The following HTR3A variants were observed in gnomAD, a reference collection of about 807,000 sequenced individuals.
HTR3A encodes the protein 5-hydroxytryptamine receptor 3A, also known as 5-hydroxytryptamine (serotonin) receptor 3A, ionotropic.
Under a neutral mutation model 54.8 loss-of-function variants are expected in HTR3A, and 45 were observed. That is an observed-to-expected ratio of 0.82 (90% CI 0.65 to 1.05). The LOEUF (loss-of-function observed/expected upper bound fraction) is 1.05, where lower values mean the gene tolerates loss of function less well. HTR3A is among the 50% of genes least tolerant of loss of function. The pLI, the probability that HTR3A is intolerant of heterozygous loss-of-function variation, is 0.00. For synonymous variants in HTR3A, 297 were observed against 256.0 expected (o/e 1.16, Z -1.53); for missense variants, 657 against 614.0 (o/e 1.07, Z -0.74).
chr11:113,983,115 G>C lies in HTR3A; in HGVS notation c.375-5G>C. Reference sequence around the variant, plus strand: ...CTCCCAAACTAACCCCTTTTCCCCCGCCAGCGTGGATGTGGGGAAGTCTCC... The same window carrying C: ...CTCCCAAACTAACCCCTTTTCCCCCCCCAGCGTGGATGTGGGGAAGTCTCC... On this transcript the variant is annotated splice_polypyrimidine_tract_variant and splice_region_variant and intron_variant, in intron 4 of 8. Coordinates refer to ENST00000504030, the MANE Select transcript of HTR3A (RefSeq NM_000869.6). The C allele has an allele frequency of 6.2e-7, 1 of 1,614,124 alleles. No individual in the cohort carries two copies. The highest frequency in any genetic ancestry group is 1.1e-5 in the South Asian group (1 of 91,080).
At position 113,977,851 on chromosome 11, in the gene HTR3A, C is replaced by A; in HGVS notation, c.148C>A (p.Arg50Ser). ...TTTGACCAACTACAGGAAGGGTGTG[C>A]GCCCCGTGAGGGACTGGAGGAAGCC... The part of the protein sequence containing the change: ...YLLTNYRKGV[R>S]PVRDWRKPTT... The change falls in exon 2 of 9, where the codon CGC becomes AGC. Residue 50 changes from arginine (R) to serine (S), a missense_variant. Physicochemically the swap from Arg to Ser is moderately radical, Grantham distance 110. Transcript: ENST00000504030. 3 of 1,614,094 alleles carry A rather than the reference C, an allele frequency of 1.9e-6. No individual in the cohort carries two copies. Among genetic ancestry groups the A allele is most frequent in the South Asian group, 1.1e-5 (1 of 91,082 alleles).
chr11:113,975,380 G>C lies in HTR3A; in HGVS notation c.55G>C (p.Ala19Pro). 3 of 1,612,434 alleles carry C rather than the reference G, an allele frequency of 1.9e-6. No homozygotes were observed. The highest frequency in any genetic ancestry group is 2.5e-6 in the Non-Finnish European group (3 of 1,179,922). ...CGCCTTGCTCCTCCCCACACTCCTGGCACAGGGAGAAGGTAAGCAGACTTC... is the reference window on the plus strand; with the variant it reads ...CGCCTTGCTCCTCCCCACACTCCTGCCACAGGGAGAAGGTAAGCAGACTTC... ...LLALLLPTLL[A>P]QGEARRSRNT... Residue 19 changes from alanine to proline, a missense_variant, in exon 1 of 9, where the codon GCA becomes CCA. Transcript: ENST00000504030.
At position 113,987,094 on chromosome 11, in the gene HTR3A, T is replaced by C. The variant is rs774022002; in HGVS notation, c.1138+48T>C. 6.9e-6 allele frequency: 11 copies of C among 1,587,540 alleles called. No homozygotes were observed. In the East Asian group the frequency reaches 1.8e-4, roughly 26 times the overall value. On this transcript the variant is annotated intron_variant, in intron 8 of 8. Transcript: ENST00000504030. ...CCATACAGAGGGGCTGCTTCTGGCT[T>C]GGATGTTGTGGAAAGTCTCTGGAGG...
rs140820494 is a variant in HTR3A at position 113,983,257 on chromosome 11, G to C, written c.512G>C (p.Cys171Ser). ...AACTTCCCCTTCGATGTCCAGAACT[G>C]CTCGCTGACCTTCACCAGTTGGCTG... ...IYNFPFDVQNCSLTFTSWLHT... is the reference protein window; with the variant it reads ...IYNFPFDVQNSSLTFTSWLHT... The change falls in exon 5 of 9, where the codon TGC (cysteine) becomes TCC (serine). Residue 171 changes from cysteine (C) to serine (S), a missense_variant. Physicochemically the swap from Cys to Ser is moderately radical, Grantham distance 112. Coordinates refer to ENST00000504030, the MANE Select transcript of HTR3A (RefSeq NM_000869.6). 9 of 1,614,088 alleles carry C rather than the reference G, an allele frequency of 5.6e-6. No individual in the cohort carries two copies. Among genetic ancestry groups the C allele is most frequent in the Admixed American group, 3.3e-5 (2 of 60,010 alleles).
chr11:113,988,933 A>G (rs1296506817), intron 8 of HTR3A, among the ~76,000 whole-genome samples: 1 of 152,222 alleles, frequency 6.6e-6, no homozygotes, highest in African/African-American at 2.4e-5. Context: ...TCGTGATATT[A>G]ATGATCTGGA....
At chr11:113,983,979 G>A (rs1950457149) in intron 5 of HTR3A, among the ~76,000 whole-genome samples, 1 of 152,160 alleles carries the variant, frequency 6.6e-6, no homozygotes, top group African/African-American at 2.4e-5. Context: ...GCTGCTCCAG[G>A]CTCATCTGCT....
intron 3 of HTR3A, among the ~76,000 whole-genome samples, chr11:113,980,546 T>C (rs1275542503): frequency 2.0e-5 from 3 of 152,164 alleles, no homozygotes; most frequent in East Asian, 3.9e-4. Context: ...GTAAAGAAGA[T>C]AGGGGAGAGG....
At chr11:113,987,078 G>C in intron 8 of HTR3A, 32 bp downstream of exon 8, 1 of 1,606,360 alleles carries the variant, frequency 6.2e-7, no homozygotes, top group Non-Finnish European at 8.5e-7. Flanking sequence ...TCCATACAGA[G>C]GGGCTGCTTC....
In HTR3A at chr11:113,983,160, A is replaced by T; in HGVS notation, c.415A>T (p.Ile139Phe). Residue 139 changes from isoleucine (I) to phenylalanine (F), a missense_variant, in exon 5 of 9, where the codon ATT becomes TTT. Transcript: ENST00000504030. ...GKSPNIPYVY[I>F]RHQGEVQNYK... is the part of the protein sequence containing the mutation. Reference sequence around the variant, plus strand: ...GTCTCCAAATATCCCGTACGTGTATATTCGGCATCAAGGCGAAGTTCAGAA... The same window carrying T: ...GTCTCCAAATATCCCGTACGTGTATTTTCGGCATCAAGGCGAAGTTCAGAA... 6.2e-7 allele frequency: 1 copy of T among 1,614,214 alleles called. No individual in the cohort carries two copies. The highest frequency in any genetic ancestry group is 8.5e-7 in the Non-Finnish European group (1 of 1,180,036).
In HTR3A at chr11:113,989,570, T is replaced by A. The variant is rs751985883; in HGVS notation, c.1244T>A (p.Val415Glu). ...PPPPREASLA[V>E]CGLLQELSSI... is the part of the protein sequence containing the mutation. Reference sequence around the variant, plus strand: ...CCACCTCGGGAGGCCTCGCTGGCGGTGTGTGGGCTGCTGCAGGAGCTGTCC... The same window carrying A: ...CCACCTCGGGAGGCCTCGCTGGCGGAGTGTGGGCTGCTGCAGGAGCTGTCC... The change falls in exon 9 of 9, where the codon GTG becomes GAG. Residue 415 changes from valine (V) to glutamate (E), a missense_variant. By Grantham distance (121) the Val-to-Glu change is moderately radical (BLOSUM62 -2). Transcript: ENST00000504030. The surrounding 1 kb of genome is among the most constrained non-coding windows in gnomAD (Gnocchi z 4.4). The A allele has an allele frequency of 1.9e-6, 3 of 1,614,018 alleles. No individual in the cohort carries two copies. Among genetic ancestry groups the A allele is most frequent in the African/African-American group, 2.7e-5 (2 of 74,918 alleles).
At position 113,986,935 on chromosome 11, in the gene HTR3A, C is replaced by G. The variant is rs1215766975; in HGVS notation, c.1027C>G (p.Leu343Val). ...QDLQQPVPAWLRHLVLERIAW... is the reference protein window; with the variant it reads ...QDLQQPVPAWVRHLVLERIAW... Reference sequence around the variant, plus strand: ...CCTGCAGCAGCCCGTGCCTGCTTGGCTGCGTCACCTGGTTCTGGAGAGAAT... The same window carrying G: ...CCTGCAGCAGCCCGTGCCTGCTTGGGTGCGTCACCTGGTTCTGGAGAGAAT... Residue 343 changes from leucine (L) to valine (V), a missense_variant, in exon 8 of 9, where the codon CTG becomes GTG. Transcript: ENST00000504030. The G allele has an allele frequency of 1.2e-6, 2 of 1,614,202 alleles. No homozygotes were observed. The highest frequency in any genetic ancestry group is 1.7e-6 in the Non-Finnish European group (2 of 1,180,036).
Position 113,977,802 on chromosome 11 carries a change from T to A in HTR3A, c.99T>A (p.Ala33=). 6.2e-7 allele frequency: 1 copy of A among 1,614,122 alleles called. No individual in the cohort carries two copies. The change falls in exon 2 of 9, where the codon GCT becomes GCA. Residue 33 remains alanine, a synonymous_variant. Coordinates refer to ENST00000504030, the MANE Select transcript of HTR3A (RefSeq NM_000869.6). ...ARRSRNTTRP[A]LLRLSDYLLT... Reference sequence around the variant, plus strand: ...GGAGCCGAAACACCACCAGGCCCGCTCTGCTGAGGCTGTCGGATTACCTTT... The same window carrying A: ...GGAGCCGAAACACCACCAGGCCCGCACTGCTGAGGCTGTCGGATTACCTTT...
intron 5 of HTR3A, among the ~76,000 whole-genome samples, chr11:113,985,097 C>T (rs1651672458): frequency 6.6e-6 from 1 of 152,202 alleles, no homozygotes; most frequent in Admixed American, 6.5e-5. Context: ...CAGGAGTTAA[C>T]CACTTTTATC....
chr11:113,981,078 C>A (rs1950416052), intron 3 of HTR3A, 125 bp from the exon 4 acceptor site: 2 of 705,582 alleles, frequency 2.8e-6, no homozygotes, highest in Admixed American at 4.0e-5. Flanking sequence ...GCCACTGACA[C>A]CAGCTTCTCC....
chr11:113,985,471 C>A (rs145260429), intron 5 of HTR3A, among the ~76,000 whole-genome samples: 39 of 152,258 alleles, frequency 2.6e-4, no homozygotes, highest in African/African-American at 9.1e-4. Flanking sequence ...TCAGTATTTT[C>A]CAATATTTTG....
intron 3 of HTR3A, 46 bp downstream of exon 3, chr11:113,979,323 G>A (rs748035678): frequency 6.6e-7 from 1 of 1,505,994 alleles, no homozygotes; most frequent in Non-Finnish European, 9.2e-7. Flanking sequence ...ATCCTCCTGG[G>A]AAGGAGTCGG....
At chr11:113,987,531 G>A (rs553842690) in intron 8 of HTR3A, among the ~76,000 whole-genome samples, 4 of 151,906 alleles carry the variant, frequency 2.6e-5, no homozygotes, top group East Asian at 1.9e-4. Context: ...CCAGGAGTTC[G>A]AGACCAGCCT....
At chr11:113,983,387 A>G in intron 5 of HTR3A, 98 bp downstream of exon 5, 1 of 1,266,600 alleles carries the variant, frequency 7.9e-7, no homozygotes, top group Non-Finnish European at 1.1e-6. Flanking sequence ...TCACGTATCC[A>G]GCCTACTAAT....
At chr11:113,985,483 T>C (rs1444835953) in intron 5 of HTR3A, among the ~76,000 whole-genome samples, 1 of 152,242 alleles carries the variant, frequency 6.6e-6, no homozygotes, top group African/African-American at 2.4e-5. Context: ...AATATTTTGC[T>C]GCAATAGATA....
Sources: allele counts gnomAD v4.1 joint callset (sites outside exome capture counted in the v4.1 genomes callset), GRCh38; gene constraint gnomAD v4.1.1; non-coding constraint Gnocchi (gnomAD v3.1); transcripts MANE v1.5; gene names NCBI Gene and HGNC (gene_info 2026-07-23, HGNC 2026-07-21).